Variants in CRTC3 observed in about 807,000 individuals in gnomAD.
CRTC3 encodes the protein CREB regulated transcription coactivator 3.
In CRTC3, 26 loss-of-function variants were observed where a neutral mutation model predicts 74.5. The observed-to-expected ratio is 0.35, with a 90% CI of 0.26 to 0.48. The LOEUF (loss-of-function observed/expected upper bound fraction) is 0.48. CRTC3 is among the 20% of genes least tolerant of loss of function. The pLI is 0.99. For missense variants in CRTC3, 760 were observed against 787.3 expected (o/e 0.97, Z 0.41); for synonymous variants, 377 against 325.8 (o/e 1.16, Z -1.69).
rs1274797761 is a variant in CRTC3 at position 90,530,814 on chromosome 15, G to C, written c.132+611G>C. ...GGTCCAGTTTACTTTGTTCGGCCCGGGATATTTAGTGAGAACTGACAAGCG... is the reference window on the plus strand; with the variant it reads ...GGTCCAGTTTACTTTGTTCGGCCCGCGATATTTAGTGAGAACTGACAAGCG... On this transcript the variant is annotated intron_variant, in intron 1 of 14. Coordinates refer to ENST00000268184, the MANE Select transcript of CRTC3 (RefSeq NM_022769.5). This position sits in a 1 kb window ranked among gnomAD's most constrained non-coding sequence, Gnocchi z 6.2. 1 of 152,484 alleles carries C rather than the reference G, an allele frequency of 6.6e-6. No homozygotes were observed. Among genetic ancestry groups the C allele is most frequent in the Non-Finnish European group, 1.5e-5 (1 of 68,280 alleles). 9.4% of individuals were successfully genotyped at this position (152,484 alleles called of 1,614,324 possible).
Position 90,566,178 on chromosome 15 carries a change from A to G in CRTC3, c.231+26041A>G, listed in dbSNP as rs539453258. 6.6e-5 allele frequency among the ~76,000 whole-genome samples: 10 copies of G among 152,348 alleles called. No individual in the cohort carries two copies. The East Asian group carries it at 7.7e-4, about 12-fold the overall frequency. ...GCAAAGCCTAACTCTCTTCTGTTCT[A>G]TGAAGACTGAGAGAGCTGAGGAAGC... On this transcript the variant is annotated intron_variant, in intron 2 of 14. Transcript: ENST00000268184.
intron 1 of CRTC3, among the ~76,000 whole-genome samples, chr15:90,536,436 A>C (rs946794689): frequency 1.3e-5 from 2 of 150,866 alleles, no homozygotes; most frequent in Non-Finnish European, 2.9e-5. Flanking sequence ...TGGAGGTTGC[A>C]GTGAGCTGTG....
At chr15:90,633,775 C>T (rs893132420) in intron 11 of CRTC3, among the ~76,000 whole-genome samples, 4 of 151,838 alleles carry the variant, frequency 2.6e-5, no homozygotes, top group African/African-American at 9.7e-5. Context: ...TCTTCTCTCT[C>T]TCCTCTTTTG....
chr15:90,530,162 C>T lies in CRTC3; in HGVS notation c.91C>T (p.Arg31Trp). 1.4e-6 allele frequency: 2 copies of T among 1,432,830 alleles called. No individual in the cohort carries two copies. The highest frequency in any genetic ancestry group is 1.9e-6 in the Non-Finnish European group (2 of 1,076,402). 88.8% of individuals were successfully genotyped at this position (1,432,830 alleles called of 1,614,324 possible). ...CACGCAGAGACAGGCCGAGGAGACG[C>T]GGGCCTTCGAGCAGCTCATGACCGA... is the stretch of plus-strand genomic sequence containing the variant. ...LHTQRQAEET[R>W]AFEQLMTDLT... The change falls in exon 1 of 15, where the codon CGG becomes TGG. Residue 31 changes from arginine (R) to tryptophan (W), a missense_variant. Transcript: ENST00000268184. The surrounding 1 kb of genome is among the most constrained non-coding windows in gnomAD (Gnocchi z 6.2).
chr15:90,598,379 T>C (rs1424041823), intron 3 of CRTC3: 2 of 700,996 alleles, frequency 2.9e-6, no homozygotes, highest in East Asian at 2.7e-5. Context: ...TGTCCTCTCT[T>C]ATCAGAAGAA....
In CRTC3 at chr15:90,638,499, C is replaced by G; in HGVS notation, c.1320C>G (p.Ala440=). The G allele has an allele frequency of 6.2e-7, 1 of 1,613,972 alleles. No individual in the cohort carries two copies. The highest frequency in any genetic ancestry group is 8.5e-7 in the Non-Finnish European group (1 of 1,179,992). The change falls in exon 12 of 15, where the codon GCC becomes GCG. Residue 440 remains alanine (A), a synonymous_variant. Coordinates refer to ENST00000268184, the MANE Select transcript of CRTC3 (RefSeq NM_022769.5). ...CCTTTCTGCCCACAGAAGCTCAAGC[C>G]CAGGTGTCGCCGCCACCCCCTTACC... ...QLSFLPTEAQ[A]QVSPPPPYPA...
At chr15:90,602,095 A>C (rs867140589) in intron 3 of CRTC3, among the ~76,000 whole-genome samples, 5 of 152,208 alleles carry the variant, frequency 3.3e-5, no homozygotes, top group South Asian at 4.1e-4. Flanking sequence ...CCGGACAGGC[A>C]AAAAATAATA....
At chr15:90,562,934 C>G (rs1157743552) in intron 2 of CRTC3, among the ~76,000 whole-genome samples, 1 of 152,162 alleles carries the variant, frequency 6.6e-6, no homozygotes, top group Non-Finnish European at 1.5e-5. Flanking sequence ...GTGACTCCCC[C>G]TTGCAGTGGC....
intron 2 of CRTC3, among the ~76,000 whole-genome samples, chr15:90,591,886 T>C (rs1967809929): frequency 6.6e-6 from 1 of 152,272 alleles, no homozygotes; most frequent in Admixed American, 6.5e-5. Context: ...TTTCAATATA[T>C]TATTCTCTAG....
chr15:90,638,655 T>C lies in CRTC3; in HGVS notation c.1467+9T>C. ...AGCTTCTCCCGGCCCAGGTGAGTTC[T>C]GGCAGGAGCGTTGGTGCAGAGGGAA... On this transcript the variant is annotated intron_variant, in intron 12 of 14. Transcript: ENST00000268184. 1 of 1,613,880 alleles carries C rather than the reference T, an allele frequency of 6.2e-7. No homozygotes were observed. Among genetic ancestry groups the C allele is most frequent in the Non-Finnish European group, 8.5e-7 (1 of 1,179,886 alleles).
At chr15:90,573,792 GCA>G (rs1166324959) in intron 2 of CRTC3, among the ~76,000 whole-genome samples, 1 of 152,154 alleles carries the variant, frequency 6.6e-6, no homozygotes, top group Non-Finnish European at 1.5e-5. Context: ...TTAAAGATAA[GCA>G]AAAAGTGCAG....
chr15:90,597,129 C>T (rs546591940), intron 3 of CRTC3, among the ~76,000 whole-genome samples: 2 of 152,298 alleles, frequency 1.3e-5, no homozygotes, highest in East Asian at 3.9e-4. Context: ...CCCACACAGG[C>T]GGAGGAGAGG....
chr15:90,639,394 C>T lies in CRTC3; in HGVS notation c.1548+579C>T, dbSNP rs141346332. On this transcript the variant is annotated intron_variant, in intron 13 of 14. Coordinates refer to ENST00000268184, the MANE Select transcript of CRTC3 (RefSeq NM_022769.5). ...TTCAATAGTATTCAATAAGTATGGA[C>T]TGGGCCCTCCGATGGATTAAGGAGT... is the stretch of plus-strand genomic sequence containing the variant. Among the ~76,000 whole-genome samples the T allele has an allele frequency of 2.5e-3, 384 of 151,230 alleles. 2 individuals carry two copies. The highest frequency in any genetic ancestry group is 8.1e-3 in the African/African-American group (333 of 41,168).
intron 2 of CRTC3, among the ~76,000 whole-genome samples, chr15:90,558,732 C>CTA (rs367929832): frequency 5.6e-4 from 84 of 150,506 alleles, no homozygotes; most frequent in Middle Eastern, 3.4e-3. Flanking sequence ...ATCCAGTATA[C>CTA]TATATATATA....
At chr15:90,556,431 A>G (rs1243854051) in intron 2 of CRTC3, among the ~76,000 whole-genome samples, 1 of 152,226 alleles carries the variant, frequency 6.6e-6, no homozygotes. Context: ...GATATTTATT[A>G]CCTTAAGGAT....
intron 4 of CRTC3, 91 bp downstream of exon 4, chr15:90,602,476 C>G (rs1325533546): frequency 1.3e-6 from 1 of 764,932 alleles, no homozygotes; most frequent in Non-Finnish European, 2.3e-6. Context: ...TTAGAAATTT[C>G]TAATATAAAG....
chr15:90,634,111 CAATT>C (rs1786917011), intron 11 of CRTC3, among the ~76,000 whole-genome samples: 1 of 107,496 alleles, frequency 9.3e-6, no homozygotes, highest in Admixed American at 1.0e-4. Context: ...TTACCCTCAA[CAATT>C]AATTTTTTTT....
chr15:90,536,612 A>G (rs554485763), intron 1 of CRTC3, among the ~76,000 whole-genome samples: 2 of 152,292 alleles, frequency 1.3e-5, no homozygotes, highest in South Asian at 2.1e-4. Flanking sequence ...CGTGTTGGCT[A>G]TTGTGAGACT....
intron 8 of CRTC3, among the ~76,000 whole-genome samples, chr15:90,619,390 G>T (rs1454847026): frequency 6.6e-6 from 1 of 152,220 alleles, no homozygotes; most frequent in Non-Finnish European, 1.5e-5. Context: ...CCAGGAAGCG[G>T]AGGTTGCTGT....
Sources: gnomAD v4.1 joint callset for allele counts (sites outside exome capture counted in the v4.1 genomes callset) on GRCh38, gnomAD v4.1.1 for gene constraint, Gnocchi (gnomAD v3.1) non-coding constraint, MANE v1.5 for transcripts, NCBI Gene and HGNC (gene_info 2026-07-23, HGNC 2026-07-21) for gene names.